Variants in LINGO2 observed in about 807,000 individuals in gnomAD.
The protein encoded by LINGO2 is leucine-rich repeat and immunoglobulin-like domain-containing nogo receptor-interacting protein 2.
LINGO2 carries 14 observed loss-of-function variants against 30.6 expected under a neutral mutation model. The ratio of observed to expected loss-of-function variants is 0.46; its 90% CI spans 0.30 to 0.72. The LOEUF (loss-of-function observed/expected upper bound fraction) is 0.72. LINGO2 is among the 30% of genes least tolerant of loss of function. LINGO2 has a pLI of 0.07. For missense variants in LINGO2, 729 were observed against 751.7 expected, an observed-to-expected ratio of 0.97 and a Z score of 0.35; for synonymous variants, 317 against 288.5, an observed-to-expected ratio of 1.10 and a Z score of -1.00.
the LINGO2 span, among the ~76,000 whole-genome samples, chr9:28,785,434 T>C: frequency 1.3e-5 from 2 of 152,296 alleles, no homozygotes; most frequent in South Asian, 4.1e-4. Context: ...CCATCTAAAG[T>C]AGCTTCTCAC....
chr9:27,988,625 C>G (rs186825723), intron 5 of LINGO2, among the ~76,000 whole-genome samples: 1 of 151,782 alleles, frequency 6.6e-6, no homozygotes, highest in East Asian at 1.9e-4. Flanking sequence ...TCATGTCTGT[C>G]GGCTGCATAA....
intron 5 of LINGO2, among the ~76,000 whole-genome samples, chr9:28,000,971 A>G (rs1821919733): frequency 6.6e-6 from 1 of 152,238 alleles, no homozygotes; most frequent in Non-Finnish European, 1.5e-5. Flanking sequence ...CTGTCAAGAC[A>G]ATTCCAAATT....
intron 1 of LINGO2, among the ~76,000 whole-genome samples, chr9:28,523,809 T>C (rs922888865): frequency 7.3e-5 from 11 of 151,650 alleles, no homozygotes; most frequent in African/African-American, 2.4e-4. Flanking sequence ...TTTCTATGGA[T>C]TGGATATCTG....
the LINGO2 span, among the ~76,000 whole-genome samples, chr9:28,797,432 G>C: frequency 2.2e-4 from 32 of 146,980 alleles, no homozygotes; most frequent in Admixed American, 2.1e-3. Flanking sequence ...CTTAGACCAA[G>C]ACAGAAATGA....
At chr9:28,396,083 A>G (rs1822028632) in intron 2 of LINGO2, among the ~76,000 whole-genome samples, 1 of 152,156 alleles carries the variant, frequency 6.6e-6, no homozygotes, top group Non-Finnish European at 1.5e-5. Flanking sequence ...GGTTCCATAC[A>G]ACTAGTTATG....
At chr9:28,469,178 G>C (rs934944239) in intron 2 of LINGO2, among the ~76,000 whole-genome samples, 8 of 151,484 alleles carry the variant, frequency 5.3e-5, no homozygotes, top group Admixed American at 3.9e-4. Flanking sequence ...AAATTCACTA[G>C]AGTTGTTCAA....
intron 4 of LINGO2, among the ~76,000 whole-genome samples, chr9:28,176,039 G>T (rs1045035329): frequency 1.3e-5 from 2 of 152,146 alleles, no homozygotes; most frequent in African/African-American, 4.8e-5. Flanking sequence ...AATCTGTGTT[G>T]CTCCCTGCTG....
chr9:29,150,556 C>A, the LINGO2 span, among the ~76,000 whole-genome samples: 1 of 152,156 alleles, frequency 6.6e-6, no homozygotes, highest in South Asian at 2.1e-4. Context: ...GATGAAATAG[C>A]CATTTTAAGA....
intron 4 of LINGO2, among the ~76,000 whole-genome samples, chr9:28,235,007 T>C (rs1015184283): frequency 4.6e-5 from 7 of 152,162 alleles, no homozygotes; most frequent in African/African-American, 1.7e-4. Flanking sequence ...CCACACAGCA[T>C]CTCTGGACAT....
chr9:28,054,501 G>A (rs972719235), intron 4 of LINGO2, among the ~76,000 whole-genome samples: 7 of 152,010 alleles, frequency 4.6e-5, no homozygotes, highest in Non-Finnish European at 7.4e-5. Flanking sequence ...GTATATATTA[G>A]GTATATTAAG....
At chr9:29,037,231 C>T in the LINGO2 span, among the ~76,000 whole-genome samples, 1 of 151,792 alleles carries the variant, frequency 6.6e-6, no homozygotes, top group African/African-American at 2.4e-5. Context: ...AATGATGAGA[C>T]TCCTTAATAT....
At chr9:28,320,476 A>T (rs1206048447) in intron 3 of LINGO2, among the ~76,000 whole-genome samples, 2 of 152,190 alleles carry the variant, frequency 1.3e-5, no homozygotes, top group Admixed American at 1.3e-4. Context: ...TTACTTTTCC[A>T]GATGTGTGTG....
At chr9:28,570,821 A>G (rs539322694) in intron 1 of LINGO2, among the ~76,000 whole-genome samples, 8 of 152,082 alleles carry the variant, frequency 5.3e-5, no homozygotes, top group Non-Finnish European at 8.8e-5. Context: ...TTTCTTCTCT[A>G]TTGTGCTATT....
chr9:27,982,598 G>A (rs895829740), intron 5 of LINGO2, among the ~76,000 whole-genome samples: 4 of 151,840 alleles, frequency 2.6e-5, no homozygotes, highest in Middle Eastern at 3.2e-3. Flanking sequence ...GGCATATAAA[G>A]GTTAAGTAAC....
chr9:28,088,931 C>G (rs1328751033), intron 4 of LINGO2, among the ~76,000 whole-genome samples: 1 of 152,100 alleles, frequency 6.6e-6, no homozygotes, highest in Non-Finnish European at 1.5e-5. Flanking sequence ...TCTGATAAAA[C>G]AGACTTTAAA....
At chr9:28,753,137 T>C in the LINGO2 span, among the ~76,000 whole-genome samples, 6 of 151,858 alleles carry the variant, frequency 4.0e-5, no homozygotes, top group African/African-American at 1.5e-4. Context: ...GTGCATATTT[T>C]GGAAGGAGTG....
At chr9:28,234,568 G>A (rs1288283229) in intron 4 of LINGO2, among the ~76,000 whole-genome samples, 2 of 152,186 alleles carry the variant, frequency 1.3e-5, no homozygotes, top group African/African-American at 4.8e-5. Context: ...GAATAAAGCA[G>A]GCAGAAGAAA....
At chr9:28,404,586 C>T (rs1054882511) in intron 2 of LINGO2, among the ~76,000 whole-genome samples, 4 of 152,090 alleles carry the variant, frequency 2.6e-5, no homozygotes, top group Non-Finnish European at 5.9e-5. Context: ...CACTACTGTG[C>T]TGAGCTAAAG....
chr9:28,239,474 G>T (rs1821699912), intron 4 of LINGO2, among the ~76,000 whole-genome samples: 1 of 152,082 alleles, frequency 6.6e-6, no homozygotes, highest in African/African-American at 2.4e-5. Flanking sequence ...CTGTAAGGAT[G>T]GTTCAACATA....
Sources: allele counts gnomAD v4.1 joint callset (sites outside exome capture counted in the v4.1 genomes callset), GRCh38; gene constraint gnomAD v4.1.1; transcripts MANE v1.5; gene names NCBI Gene and HGNC (gene_info 2026-07-23, HGNC 2026-07-21).